The following OPHN1 variants were observed in gnomAD, a reference collection of about 807,000 sequenced individuals.
The protein encoded by OPHN1 is oligophrenin-1.
In OPHN1, 11 loss-of-function variants were observed where a neutral mutation model predicts 60.7. That is an observed-to-expected ratio of 0.18 (90% confidence interval 0.11 to 0.30). OPHN1 has a LOEUF of 0.30. Ranked by LOEUF, OPHN1 falls within the 10% of genes least tolerant of loss-of-function variation. The pLI, the probability that OPHN1 is intolerant of heterozygous loss-of-function variation, is 1.00. For missense variants in OPHN1, 449 were observed against 611.0 expected (o/e 0.73, Z 2.80); for synonymous variants, 226 against 222.6 (o/e 1.02, Z -0.14).
chrX:68,405,535 C>T (rs1326957652), intron 2 of OPHN1, among the ~76,000 whole-genome samples: 1 of 111,198 alleles, frequency 9.0e-6, no homozygotes, highest in Non-Finnish European at 1.9e-5. Flanking sequence ...TAGCTTGGCA[C>T]AGCCACACTC....
At chrX:68,181,286 A>G (rs552474166) in intron 15 of OPHN1, among the ~76,000 whole-genome samples, 116 of 111,404 alleles carry the variant, frequency 1.0e-3, no homozygotes, top group African/African-American at 3.7e-3. Flanking sequence ...GCTATTATAC[A>G]TACTAAGGAC....
intron 21 of OPHN1, among the ~76,000 whole-genome samples, chrX:68,054,431 T>C (rs1039167922): frequency 9.0e-6 from 1 of 110,948 alleles, no homozygotes; most frequent in African/African-American, 3.3e-5. Flanking sequence ...TTATTTTATC[T>C]AGAGGGCATC....
At chrX:68,395,550 C>T (rs1291209763) in intron 2 of OPHN1, among the ~76,000 whole-genome samples, 1 of 109,303 alleles carries the variant, frequency 9.1e-6, no homozygotes, top group Non-Finnish European at 1.9e-5. Flanking sequence ...CAGGTTCAAG[C>T]GATTCTCCTG....
chrX:68,319,727 A>T (rs1430327725), intron 2 of OPHN1, among the ~76,000 whole-genome samples: 1 of 110,151 alleles, frequency 9.1e-6, no homozygotes, highest in Non-Finnish European at 1.9e-5. Flanking sequence ...CCAGAATGAG[A>T]CTTGCTCTCC....
intron 19 of OPHN1, among the ~76,000 whole-genome samples, chrX:68,075,943 C>T (rs2076952257): frequency 9.1e-6 from 1 of 109,960 alleles, no homozygotes; most frequent in Non-Finnish European, 1.9e-5. Flanking sequence ...TACAATGATT[C>T]ATAAAATAAT....
intron 2 of OPHN1, among the ~76,000 whole-genome samples, chrX:68,394,760 C>T (rs2078674119): frequency 9.0e-6 from 1 of 111,138 alleles, no homozygotes; most frequent in South Asian, 3.8e-4. Flanking sequence ...GATTTACCTG[C>T]CTCACCCTCC....
intron 2 of OPHN1, among the ~76,000 whole-genome samples, chrX:68,375,050 T>G (rs1407475544): frequency 8.9e-6 from 1 of 112,178 alleles, no homozygotes; most frequent in Non-Finnish European, 1.9e-5. Context: ...CTCTAGAAAA[T>G]GGTTTGGCAG....
At chrX:68,077,328 T>C (rs1449576497) in intron 19 of OPHN1, among the ~76,000 whole-genome samples, 2 of 111,153 alleles carry the variant, frequency 1.8e-5, no homozygotes, top group Non-Finnish European at 3.8e-5. Context: ...CTGATCTCCC[T>C]ACTTTTAAAA....
chrX:68,175,698 T>C (rs373096741), intron 15 of OPHN1, among the ~76,000 whole-genome samples: 1 of 111,786 alleles, frequency 8.9e-6, no homozygotes, highest in East Asian at 2.8e-4. Context: ...GATGACTCTC[T>C]TGTAATCTGC....
intron 2 of OPHN1, among the ~76,000 whole-genome samples, chrX:68,394,505 ACT>A (rs2078672970): frequency 8.9e-6 from 1 of 111,828 alleles, no homozygotes; most frequent in African/African-American, 3.2e-5. Context: ...CTTTATTTGC[ACT>A]GAGTTTATTT....
chrX:68,350,841 T>C (rs2078406984), intron 2 of OPHN1, among the ~76,000 whole-genome samples: 1 of 110,962 alleles, frequency 9.0e-6, no homozygotes, highest in East Asian at 2.9e-4. Context: ...ATGCCAAGTG[T>C]TACTAGGGCA....
At chrX:68,105,839 A>T (rs1411033319) in intron 18 of OPHN1, among the ~76,000 whole-genome samples, 1 of 110,613 alleles carries the variant, frequency 9.0e-6, no homozygotes, top group Non-Finnish European at 1.9e-5. Context: ...ACTGTGCTAG[A>T]TTAAAAACAC....
chrX:68,196,535 T>C (rs773761972), intron 12 of OPHN1, among the ~76,000 whole-genome samples: 2 of 112,284 alleles, frequency 1.8e-5, no homozygotes, highest in Non-Finnish European at 3.8e-5. Flanking sequence ...TGATATTATT[T>C]AATATGCCAC....
intron 2 of OPHN1, among the ~76,000 whole-genome samples, chrX:68,418,205 G>C (rs2078808527): frequency 9.0e-6 from 1 of 111,672 alleles, no homozygotes; most frequent in Non-Finnish European, 1.9e-5. Flanking sequence ...AGATCCAAAA[G>C]ACTTGAAATC....
At chrX:68,128,173 C>A (rs2077179451) in intron 15 of OPHN1, among the ~76,000 whole-genome samples, 1 of 109,504 alleles carries the variant, frequency 9.1e-6, no homozygotes, top group African/African-American at 3.3e-5. Flanking sequence ...CCTCTGCCTC[C>A]CGAGTAGATA....
chrX:68,405,444 G>A (rs2078737642), intron 2 of OPHN1, among the ~76,000 whole-genome samples: 1 of 111,818 alleles, frequency 8.9e-6, no homozygotes, highest in Admixed American at 9.6e-5. Flanking sequence ...TCCTGCCTTG[G>A]CCTCCTAATG....
intron 2 of OPHN1, among the ~76,000 whole-genome samples, chrX:68,311,782 A>AT (rs1212145629): frequency 8.9e-6 from 1 of 111,856 alleles, no homozygotes; most frequent in Non-Finnish European, 1.9e-5. Flanking sequence ...TAGTTATACT[A>AT]TAATAGATAC....
chrX:68,050,696 T>C (rs1367324682), intron 23 of OPHN1, among the ~76,000 whole-genome samples: 1 of 112,246 alleles, frequency 8.9e-6, no homozygotes, highest in Admixed American at 9.4e-5. Flanking sequence ...CCCCAACTCA[T>C]ATATCACCTC....
At chrX:68,086,833 G>A (rs779718997) in intron 19 of OPHN1, among the ~76,000 whole-genome samples, 5 of 111,418 alleles carry the variant, frequency 4.5e-5, no homozygotes, top group African/African-American at 1.6e-4. Context: ...TCAACTCACT[G>A]GGGAGAAGAC....
Sources: allele counts gnomAD v4.1 joint callset (sites outside exome capture counted in the v4.1 genomes callset), GRCh38; gene constraint gnomAD v4.1.1; transcripts MANE v1.5; gene names NCBI Gene and HGNC (gene_info 2026-07-23, HGNC 2026-07-21).